The following ARID1B variants were observed in gnomAD, a reference collection of about 807,000 sequenced individuals.
ARID1B encodes AT-rich interactive domain-containing protein 1B.
Under a neutral mutation model 212.3 loss-of-function variants are expected in ARID1B, and 30 were observed. The ratio of observed to expected loss-of-function variants is 0.14; its 90% CI spans 0.11 to 0.19. The LOEUF is 0.19. Among genes scored for constraint, ARID1B ranks in the 10% least tolerant of loss-of-function variants. ARID1B has a pLI of 1.00. For synonymous variants in ARID1B, 1,402 were observed against 1,301.7 expected (o/e 1.08, Z -1.66); for missense variants, 2,891 against 3,204.0 (o/e 0.90, Z 2.36).
At chr6:156,854,048 G>A (rs987913764) in intron 2 of ARID1B, among the ~76,000 whole-genome samples, 1 of 152,148 alleles carries the variant, frequency 6.6e-6, no homozygotes, top group Non-Finnish European at 1.5e-5. Flanking sequence ...ATAAATTTTT[G>A]TGAGGTTAAA....
At chr6:157,180,870 CTCT>C (rs1792462871) in intron 11 of ARID1B, 96 bp from the exon 12 acceptor site, 2 of 980,410 alleles carry the variant, frequency 2.0e-6, no homozygotes, top group East Asian at 2.6e-5. Flanking sequence ...TTAATCTCTT[CTCT>C]TCTTGTATTT....
chr6:157,100,532 C>G (rs1369112369), intron 5 of ARID1B, among the ~76,000 whole-genome samples: 1 of 152,172 alleles, frequency 6.6e-6, no homozygotes, highest in Non-Finnish European at 1.5e-5. Flanking sequence ...AAACACTGAA[C>G]AGAAGGATGC....
intron 2 of ARID1B, among the ~76,000 whole-genome samples, chr6:156,833,562 A>G (rs1282785860): frequency 6.6e-6 from 1 of 152,186 alleles, no homozygotes; most frequent in Non-Finnish European, 1.5e-5. Flanking sequence ...AAAATGAGAG[A>G]TTGAAGTTCA....
chr6:157,192,887 G>T (rs1285425928), intron 15 of ARID1B, among the ~76,000 whole-genome samples: 1 of 152,174 alleles, frequency 6.6e-6, no homozygotes, highest in Non-Finnish European at 1.5e-5. Flanking sequence ...ACTTAATGGT[G>T]CTCTGATTTT....
chr6:156,861,075 C>T (rs966024938), intron 2 of ARID1B, among the ~76,000 whole-genome samples: 13 of 152,004 alleles, frequency 8.6e-5, no homozygotes, highest in Non-Finnish European at 1.0e-4. Flanking sequence ...AGAGCCGAGA[C>T]GGAGAGGTAC....
At chr6:157,039,674 C>CTTCCTTCCTTCCTTCTTTCTTTCTTTCT (rs1781642012) in intron 4 of ARID1B, among the ~76,000 whole-genome samples, 11 of 77,000 alleles carry the variant, frequency 1.4e-4, no homozygotes, top group African/African-American at 5.0e-4. Context: ...TCCTTCCTTC[C>CTTCCTTCCTTCCTTCTTTCTTTCTTTCT]TTCCTTCCTT....
intron 6 of ARID1B, among the ~76,000 whole-genome samples, chr6:157,120,270 A>G (rs1166415986): frequency 2.0e-5 from 3 of 152,124 alleles, no homozygotes; most frequent in African/African-American, 7.2e-5. Flanking sequence ...CCGGACTCTC[A>G]TTTGCCCAGT....
chr6:156,891,347 G>A (rs1397819085), intron 2 of ARID1B, among the ~76,000 whole-genome samples: 1 of 152,202 alleles, frequency 6.6e-6, no homozygotes, highest in Non-Finnish European at 1.5e-5. Context: ...GTTCAAATCT[G>A]TGATGAAAAA....
chr6:157,185,481 A>G (rs1436343766), intron 13 of ARID1B: 1 of 152,176 alleles, frequency 6.6e-6, no homozygotes, highest in Non-Finnish European at 1.5e-5. Context: ...AAGTGCTATC[A>G]TTTCATTTTC....
rs1794642680 is a variant in ARID1B, at chr6:157,208,865, AAAAAAC to A, written c.*986_*991del. The stretch of plus-strand genomic sequence containing the variant: ...CTCCAAAAAAAGAAAGAAAAAATAC[AAAAAAC>A]AAAAACAAAAAAAAAAGAGGGTAAT... On this transcript the variant is annotated 3_prime_UTR_variant, in exon 20 of 20. Transcript: ENST00000636930. 1.8e-5 allele frequency: 4 copies of A among 226,358 alleles called. No individual in the cohort carries two copies. In the South Asian group the frequency reaches 7.3e-4, roughly 41 times the overall value. 14.0% of individuals were successfully genotyped at this position (226,358 alleles called of 1,614,324 possible). A position where few individuals can be genotyped will look rare whatever the true frequency, so the allele number is the denominator to read the frequency against.
At chr6:156,939,404 T>C (rs1792496476) in intron 4 of ARID1B, 1 of 152,220 alleles carries the variant, frequency 6.6e-6, no homozygotes, top group Admixed American at 6.5e-5. Context: ...TTTCACCTCT[T>C]GTGGCATTTA....
At chr6:157,010,998 A>G (rs146295184) in intron 4 of ARID1B, among the ~76,000 whole-genome samples, 26 of 152,266 alleles carry the variant, frequency 1.7e-4, no homozygotes, top group Non-Finnish European at 3.2e-4. Context: ...CACCTCTCAT[A>G]GTTTTTCTTT....
At chr6:156,878,558 A>G (rs116695829) in intron 2 of ARID1B, among the ~76,000 whole-genome samples, 1,785 of 152,324 alleles carry the variant, frequency 0.012, 45 homozygotes, top group African/African-American at 0.041. Context: ...AATGAGTCAA[A>G]GACCAGGGCA....
At chr6:157,022,958 T>TGTTTTTA (rs1780421303) in intron 4 of ARID1B, 1 of 151,948 alleles carries the variant, frequency 6.6e-6, no homozygotes, top group Non-Finnish European at 1.5e-5. Context: ...TTCTTCTGTT[T>TGTTTTTA]TTATGCCTTG....
At chr6:156,974,717 T>A (rs573284928) in intron 4 of ARID1B, among the ~76,000 whole-genome samples, 1 of 152,324 alleles carries the variant, frequency 6.6e-6, no homozygotes, top group South Asian at 2.1e-4. Flanking sequence ...TTATTAGCTG[T>A]TTGTTAAATT....
At chr6:156,788,073 C>T (rs909970794) in intron 1 of ARID1B, among the ~76,000 whole-genome samples, 17 of 152,080 alleles carry the variant, frequency 1.1e-4, no homozygotes, top group African/African-American at 4.1e-4. Context: ...TGCTGTACTT[C>T]GGGGTGTGGC....
chr6:157,175,656 G>T (rs1252687520), intron 11 of ARID1B: 1 of 152,170 alleles, frequency 6.6e-6, no homozygotes, highest in African/African-American at 2.4e-5. Flanking sequence ...TGATAATCTT[G>T]AAATTAAGTG....
At position 157,201,397 on chromosome 6, in the gene ARID1B, A is replaced by C. The variant is rs1197819486; in HGVS notation, c.5172A>C (p.Pro1724=). ...QVTGPPPQPP[P]IRREITFPPG... is the part of the protein sequence containing the mutation. ...CCGGGCCACCACCCCAACCACCCCCAATCAGAAGGGAGATCACCTTTCCTC... is the reference window on the plus strand; with the variant it reads ...CCGGGCCACCACCCCAACCACCCCCCATCAGAAGGGAGATCACCTTTCCTC... Residue 1724 remains proline (P), a synonymous_variant, in exon 18 of 20, where the codon CCA becomes CCC. Transcript: ENST00000636930. This position sits in a 1 kb window ranked among gnomAD's most constrained non-coding sequence, Gnocchi z 5.2. 2 of 1,596,286 alleles carry C rather than the reference A, an allele frequency of 1.3e-6. No homozygotes were observed. The highest frequency in any genetic ancestry group is 1.7e-6 in the Non-Finnish European group (2 of 1,168,774).
intron 4 of ARID1B, among the ~76,000 whole-genome samples, chr6:156,975,155 C>T (rs1376763057): frequency 6.6e-6 from 1 of 152,242 alleles, no homozygotes; most frequent in Non-Finnish European, 1.5e-5. Context: ...TTCCTCTCCA[C>T]ACCTCACCAG....
Sources: gnomAD v4.1 joint callset for allele counts (sites outside exome capture counted in the v4.1 genomes callset) on GRCh38, gnomAD v4.1.1 for gene constraint, Gnocchi (gnomAD v3.1) non-coding constraint, MANE v1.5 for transcripts, NCBI Gene and HGNC (gene_info 2026-07-23, HGNC 2026-07-21) for gene names.